Variants in ALG14 observed in about 807,000 individuals in gnomAD.
ALG14 encodes UDP-N-acetylglucosamine transferase subunit ALG14.
Under a neutral mutation model 22.8 loss-of-function variants are expected in ALG14, and 17 were observed. The ratio of observed to expected loss-of-function variants is 0.75; its 90% confidence interval spans 0.51 to 1.12. The LOEUF is 1.12. Ranked by LOEUF, ALG14 falls within the 50% of genes most tolerant of loss-of-function variation. The probability of loss-of-function intolerance (pLI) is 0.00; values close to 1 mark genes in which losing one functional copy is unlikely to be tolerated. For synonymous variants in ALG14, 89 were observed against 103.7 expected, an observed-to-expected ratio of 0.86 and a Z score of 0.86; for missense variants, 288 against 271.8, an observed-to-expected ratio of 1.06 and a Z score of -0.42.
At chr1:94,995,039 AG>A (rs1291049354) in intron 3 of ALG14, among the ~76,000 whole-genome samples, 1 of 152,220 alleles carries the variant, frequency 6.6e-6, no homozygotes, top group African/African-American at 2.4e-5. Context: ...TCTCTTAAGT[AG>A]GTAAGTGATA....
intron 2 of ALG14, among the ~76,000 whole-genome samples, chr1:95,060,806 C>T (rs1419378567): frequency 6.6e-6 from 1 of 152,146 alleles, no homozygotes; most frequent in Non-Finnish European, 1.5e-5. Context: ...TTACTTGGTT[C>T]TAAGTGTTGT....
intron 2 of ALG14, among the ~76,000 whole-genome samples, chr1:95,038,505 A>G (rs970949290): frequency 4.6e-5 from 7 of 151,912 alleles, no homozygotes; most frequent in African/African-American, 1.4e-4. Context: ...ACAAACAAAC[A>G]AACAAACAAA....
intron 3 of ALG14, among the ~76,000 whole-genome samples, chr1:94,990,951 T>A (rs1672757484): frequency 6.6e-6 from 1 of 152,246 alleles, no homozygotes; most frequent in Non-Finnish European, 1.5e-5. Flanking sequence ...GTCAGAATAT[T>A]CCTGCTTGTT....
Position 95,037,792 on chromosome 1 carries a change from T to C in ALG14, c.289-10532A>G, listed in dbSNP as rs996461344. Among the ~76,000 whole-genome samples, 80 of 152,324 alleles carry C rather than the reference T, an allele frequency of 5.3e-4. 2 individuals are homozygous for C. Among genetic ancestry groups the C allele is most frequent in the Non-Finnish European group, 1.5e-5 (1 of 68,026 alleles). On this transcript the variant is annotated intron_variant, in intron 2 of 3. Coordinates refer to ENST00000370205, the MANE Select transcript of ALG14 (RefSeq NM_144988.4). The stretch of plus-strand genomic sequence containing the variant: ...AAAATATATATATTAAAATCATGTA[T>C]GAAACAATTGTTTACGACATTGAAT...
At chr1:95,025,595 G>A (rs1279376936) in intron 3 of ALG14, among the ~76,000 whole-genome samples, 1 of 152,226 alleles carries the variant, frequency 6.6e-6, no homozygotes, top group African/African-American at 2.4e-5. Context: ...GTTGATTAGT[G>A]TAGCCACCTT....
chr1:94,999,755 C>T (rs1047473601), intron 3 of ALG14, among the ~76,000 whole-genome samples: 4 of 152,340 alleles, frequency 2.6e-5, no homozygotes, highest in Admixed American at 6.5e-5. Context: ...CTGCCATTTA[C>T]AATCTTATTA....
At chr1:95,030,514 T>C (rs745852586) in intron 2 of ALG14, among the ~76,000 whole-genome samples, 2 of 152,204 alleles carry the variant, frequency 1.3e-5, no homozygotes, top group Admixed American at 6.5e-5. Context: ...ATACCTATAA[T>C]ATTTTATTTA....
chr1:95,036,216 A>G (rs970084419), intron 2 of ALG14, among the ~76,000 whole-genome samples: 4 of 152,110 alleles, frequency 2.6e-5, no homozygotes, highest in Admixed American at 2.6e-4. Flanking sequence ...GGGAAGGACC[A>G]AGTGGAGATA....
chr1:94,986,639 A>C (rs924247179), intron 3 of ALG14, among the ~76,000 whole-genome samples: 4 of 151,576 alleles, frequency 2.6e-5, no homozygotes, highest in African/African-American at 9.7e-5. Flanking sequence ...CACCCAGCTA[A>C]TTTTTGTATT....
At chr1:95,048,425 G>C (rs527596571) in intron 2 of ALG14, among the ~76,000 whole-genome samples, 4 of 152,196 alleles carry the variant, frequency 2.6e-5, no homozygotes, top group Admixed American at 6.5e-5. Flanking sequence ...GTTACAAGGA[G>C]TAATAGTTGG....
At chr1:94,985,619 T>C (rs528938304) in intron 3 of ALG14, among the ~76,000 whole-genome samples, 3 of 152,326 alleles carry the variant, frequency 2.0e-5, no homozygotes, top group Admixed American at 6.5e-5. Context: ...TTTAAAAAAA[T>C]GCACAAATCC....
chr1:95,002,544 C>T (rs1264985750), intron 3 of ALG14, among the ~76,000 whole-genome samples: 3 of 152,094 alleles, frequency 2.0e-5, no homozygotes, highest in Non-Finnish European at 4.4e-5. Context: ...TCACATGCTA[C>T]GAAAACAGCC....
At chr1:94,985,680 C>T (rs1178954208) in intron 3 of ALG14, among the ~76,000 whole-genome samples, 5 of 152,140 alleles carry the variant, frequency 3.3e-5, no homozygotes, top group Non-Finnish European at 7.3e-5. Context: ...ACTATGTATA[C>T]ACAGCTAGAG....
Position 95,072,882 on chromosome 1 carries a change from A to G in ALG14, c.17T>C (p.Val6Ala). 1 of 1,614,036 alleles carries G rather than the reference A, an allele frequency of 6.2e-7. No homozygotes were observed. MVCVL[V>A]LAAAAGAVAV... ...CACAGCTCCTGCGGCCGCAGCTAGA[A>G]CGAGAACGCACACCATGCAGAGAAA... The change falls in exon 1 of 4, where the codon GTT becomes GCT. Residue 6 changes from valine to alanine, a missense_variant. By Grantham distance (64) the Val-to-Ala change is moderately conservative (BLOSUM62 0). Coordinates refer to ENST00000370205, the MANE Select transcript of ALG14 (RefSeq NM_144988.4).
At chr1:95,054,764 T>C (rs534010185) in intron 2 of ALG14, among the ~76,000 whole-genome samples, 1 of 152,288 alleles carries the variant, frequency 6.6e-6, no homozygotes, top group South Asian at 2.1e-4. Context: ...AATTCCGTGC[T>C]TACACAAATT....
chr1:95,006,219 T>G lies in ALG14; in HGVS notation c.420+20910A>C, dbSNP rs192524430. On this transcript the variant is annotated intron_variant, in intron 3 of 3. Transcript: ENST00000370205. Reference sequence around the variant, plus strand: ...ATGCACTTGATTATGCCTCCTGGTTTGTCATGCCTGGGTATGTACATATTG... The same window carrying G: ...ATGCACTTGATTATGCCTCCTGGTTGGTCATGCCTGGGTATGTACATATTG... Among the ~76,000 whole-genome samples the G allele has an allele frequency of 3.2e-3, 483 of 152,348 alleles. 1 individual carries two copies. The highest frequency in any genetic ancestry group is 0.011 in the African/African-American group (466 of 41,574).
chr1:95,047,234 CAG>C (rs1455181122), intron 2 of ALG14, among the ~76,000 whole-genome samples: 1 of 151,962 alleles, frequency 6.6e-6, no homozygotes, highest in Non-Finnish European at 1.5e-5. Context: ...ATACATGTAA[CAG>C]AAGGGGAAAA....
intron 1 of ALG14, among the ~76,000 whole-genome samples, chr1:95,069,749 C>T (rs1675498486): frequency 6.6e-6 from 1 of 152,158 alleles, no homozygotes; most frequent in Non-Finnish European, 1.5e-5. Flanking sequence ...GTCTCTCAGT[C>T]CCATACTCCC....
At chr1:95,065,988 A>G (rs1038564803) in intron 1 of ALG14, among the ~76,000 whole-genome samples, 1 of 152,024 alleles carries the variant, frequency 6.6e-6, no homozygotes, top group African/African-American at 2.4e-5. Context: ...GCCCTATCAC[A>G]CCCATTTCAG....
Sources: gnomAD v4.1 joint callset for allele counts (sites outside exome capture counted in the v4.1 genomes callset) on GRCh38, gnomAD v4.1.1 for gene constraint, MANE v1.5 for transcripts, NCBI Gene and HGNC (gene_info 2026-07-23, HGNC 2026-07-21) for gene names.